Variants in AHCY observed in about 807,000 individuals in gnomAD.
AHCY encodes the protein S-adenosyl-L-homocysteine hydrolase.
Under a neutral mutation model 45.4 loss-of-function variants are expected in AHCY, and 24 were observed. That is an observed-to-expected ratio of 0.53 (90% confidence interval 0.38 to 0.74). The LOEUF is 0.74. Among genes scored for constraint, AHCY ranks in the 30% least tolerant of loss-of-function variants. The probability of loss-of-function intolerance (pLI) is 0.00; values close to 1 mark genes in which losing one functional copy is unlikely to be tolerated. For missense variants in AHCY, 449 were observed against 594.1 expected, an observed-to-expected ratio of 0.76 and a Z score of 2.54; for synonymous variants, 245 against 235.1, an observed-to-expected ratio of 1.04 and a Z score of -0.39.
chr20:34,241,155 A>G, the AHCY span, among the ~76,000 whole-genome samples: 3 of 152,080 alleles, frequency 2.0e-5, no homozygotes, highest in Admixed American at 2.0e-4. Context: ...TAGAGATTCT[A>G]TTTTCTTCTC....
At chr20:34,306,366 G>T (rs1004601456), upstream of AHCY, among the ~76,000 whole-genome samples, 1 of 96,766 alleles carries the variant, frequency 1.0e-5, no homozygotes, top group African/African-American at 3.5e-5. Flanking sequence ...TATTATTTCA[G>T]CTTCTTTTTT....
the AHCY span, among the ~76,000 whole-genome samples, chr20:34,255,165 T>C: frequency 2.0e-5 from 3 of 152,118 alleles, no homozygotes; most frequent in Admixed American, 2.0e-4. Context: ...CTTTGGCCAG[T>C]CCATGGACAT....
At chr20:34,293,851 C>T (rs2036483437) in intron 3 of AHCY, 4 of 597,604 alleles carry the variant, frequency 6.7e-6, no homozygotes, top group Non-Finnish European at 1.2e-5. Context: ...TAAGATCTTG[C>T]TCTTCCTGGT....
chr20:34,278,366 C>T (rs1188951212), downstream of AHCY, among the ~76,000 whole-genome samples: 1 of 152,156 alleles, frequency 6.6e-6, no homozygotes, highest in African/African-American at 2.4e-5. Flanking sequence ...ACAGCATTTC[C>T]CACATCCAGG....
the AHCY span, among the ~76,000 whole-genome samples, chr20:34,258,018 CCTGTAGTCCCAG>C: frequency 6.6e-6 from 1 of 152,004 alleles, no homozygotes; most frequent in African/African-American, 2.4e-5. Flanking sequence ...GTGGCAAGCA[CCTGTAGTCCCAG>C]CTACTCAGGA....
At chr20:34,299,222 T>C in intron 1 of AHCY, among the ~76,000 whole-genome samples, 1 of 152,028 alleles carries the variant, frequency 6.6e-6, no homozygotes, top group East Asian at 1.9e-4. Context: ...TGGGGCCTGA[T>C]TCCATATCCC....
intron 2 of AHCY, 29 bp downstream of exon 2, chr20:34,295,366 C>T (rs1461034865): frequency 1.9e-6 from 3 of 1,613,510 alleles, no homozygotes; most frequent in Non-Finnish European, 2.5e-6. Context: ...AGGGCAAGGA[C>T]TCTGGGGTGA....
intron 1 of AHCY, among the ~76,000 whole-genome samples, chr20:34,298,475 G>A (rs2036647539): frequency 2.0e-5 from 3 of 152,118 alleles, no homozygotes; most frequent in Non-Finnish European, 4.4e-5. Flanking sequence ...GGCCACCAGA[G>A]GGCTCCTTGG....
the AHCY span, among the ~76,000 whole-genome samples, chr20:34,237,207 T>C: frequency 6.6e-6 from 1 of 152,194 alleles, no homozygotes; most frequent in Non-Finnish European, 1.5e-5. Context: ...TTTTGGCTAT[T>C]TGGGGTCCTT....
intron 1 of AHCY, 79 bp downstream of exon 1, chr20:34,303,164 C>G (rs939579072): frequency 6.5e-7 from 1 of 1,543,874 alleles, no homozygotes; most frequent in African/African-American, 1.4e-5. Flanking sequence ...AGCCCCGAGT[C>G]GGCCCTGCAG....
At chr20:34,309,667 G>A (rs2036928510) in intron 1 of AHCY, among the ~76,000 whole-genome samples, 1 of 152,132 alleles carries the variant, frequency 6.6e-6, no homozygotes, top group Non-Finnish European at 1.5e-5. Context: ...TGTAATCCCA[G>A]CTACTTGGGA....
chr20:34,255,978 C>G, the AHCY span, among the ~76,000 whole-genome samples: 1 of 152,258 alleles, frequency 6.6e-6, no homozygotes, highest in Non-Finnish European at 1.5e-5. Flanking sequence ...CCCGCAGCCT[C>G]CAGAGGCCTG....
chr20:34,238,349 TA>T, the AHCY span, among the ~76,000 whole-genome samples: 1 of 152,174 alleles, frequency 6.6e-6, no homozygotes, highest in African/African-American at 2.4e-5. Context: ...TCTCCAATCT[TA>T]TTTATGTTCC....
the AHCY span, among the ~76,000 whole-genome samples, chr20:34,240,227 T>C: frequency 6.6e-6 from 1 of 152,214 alleles, no homozygotes; most frequent in Admixed American, 6.5e-5. Context: ...AAAACTATTC[T>C]TAAAGTCATG....
At position 34,281,285 on chromosome 20, in the gene AHCY, G is replaced by A. The variant is rs1411031983; in HGVS notation, c.1168-120C>T. The A allele has an allele frequency of 2.0e-6, 3 of 1,466,586 alleles. No homozygotes were observed. The African/African-American group carries it at 4.2e-5, about 20-fold the overall frequency. 90.8% of individuals were successfully genotyped at this position (1,466,586 alleles called of 1,614,324 possible). On this transcript the variant is annotated intron_variant, in intron 9 of 9. Coordinates refer to ENST00000217426, the MANE Select transcript of AHCY (RefSeq NM_000687.4). ...GGTTTCTGCCATGTGTGGTACTCAT[G>A]TTAACTCTTTCTATCCTCACACCCA... is the stretch of plus-strand genomic sequence containing the variant.
At chr20:34,310,776 G>A (rs1474151080) in intron 1 of AHCY, among the ~76,000 whole-genome samples, 1 of 152,210 alleles carries the variant, frequency 6.6e-6, no homozygotes, top group Non-Finnish European at 1.5e-5. Context: ...CCAAGCCTGA[G>A]GCCTAAGCGC....
the AHCY span, among the ~76,000 whole-genome samples, chr20:34,259,241 G>A: frequency 6.6e-6 from 1 of 150,796 alleles, no homozygotes. Context: ...AAAACTATAT[G>A]AGCTTGAGTT....
the AHCY span, among the ~76,000 whole-genome samples, chr20:34,266,049 ATC>A: frequency 6.6e-6 from 1 of 151,422 alleles, no homozygotes; most frequent in Non-Finnish European, 1.5e-5. Context: ...TGAGGCCTAA[ATC>A]TCTGTGTTAA....
the AHCY span, among the ~76,000 whole-genome samples, chr20:34,266,221 G>A: frequency 2.0e-5 from 3 of 151,890 alleles, no homozygotes; most frequent in East Asian, 3.9e-4. Context: ...AGGTGGTGGC[G>A]GGCGCCTGTA....
Sources: allele counts gnomAD v4.1 joint callset (sites outside exome capture counted in the v4.1 genomes callset), GRCh38; gene constraint gnomAD v4.1.1; transcripts MANE v1.5; gene names NCBI Gene and HGNC (gene_info 2026-07-23, HGNC 2026-07-21).